UBTD2: variants seen among roughly 807,000 people sequenced by gnomAD.
The protein encoded by UBTD2 is ubiquitin domain containing 2, also known as ubiquitin domain-containing protein 2.
In UBTD2, 9 loss-of-function variants were observed where a neutral mutation model predicts 19.8. The observed-to-expected ratio is 0.46, with a 90% confidence interval of 0.27 to 0.79. The LOEUF is 0.79. Ranked by LOEUF, UBTD2 falls within the 30% of genes least tolerant of loss-of-function variation. UBTD2 has a pLI of 0.14. For missense variants in UBTD2, 250 were observed against 300.4 expected (o/e 0.83, Z 1.24); for synonymous variants, 98 against 103.9 (o/e 0.94, Z 0.35).
At chr5:172,216,210 C>CA (rs1013477108) in intron 2 of UBTD2, among the ~76,000 whole-genome samples, 3 of 151,444 alleles carry the variant, frequency 2.0e-5, no homozygotes, top group African/African-American at 4.8e-5. Flanking sequence ...CAAAAAAGCC[C>CA]AAAAAACCCC....
chr5:172,274,428 T>C (rs1755566212), intron 1 of UBTD2, among the ~76,000 whole-genome samples: 1 of 151,988 alleles, frequency 6.6e-6, no homozygotes, highest in African/African-American at 2.4e-5. Flanking sequence ...TGTGAGCCAC[T>C]GCACCTGGCT....
At chr5:172,267,537 A>C (rs766258488) in intron 1 of UBTD2, among the ~76,000 whole-genome samples, 92 of 152,366 alleles carry the variant, frequency 6.0e-4, no homozygotes, top group Admixed American at 1.7e-3. Flanking sequence ...GCTCTCATCA[A>C]CACGAAGTAA....
In UBTD2 at chr5:172,271,500, C is replaced by A. The variant is rs947271613; in HGVS notation, c.70+12096G>T. 5.3e-5 allele frequency among the ~76,000 whole-genome samples: 8 copies of A among 151,832 alleles called. No individual in the cohort carries two copies. The East Asian group carries it at 5.8e-4, about 11-fold the overall frequency. ...AGTGATGCTTTCTGACCCTGCCCCC[C>A]ACTCCTCCTTGAACTTACATAATAT... On this transcript the variant is annotated intron_variant, in intron 1 of 2. Coordinates refer to ENST00000393792, the MANE Select transcript of UBTD2 (RefSeq NM_152277.3).
At chr5:172,265,985 G>A (rs1446275779) in intron 1 of UBTD2, among the ~76,000 whole-genome samples, 1 of 151,302 alleles carries the variant, frequency 6.6e-6, no homozygotes, top group Non-Finnish European at 1.5e-5. Flanking sequence ...CCAGGCTGGA[G>A]TGCAGTGGCA....
chr5:172,276,928 G>T (rs566800743), intron 1 of UBTD2, among the ~76,000 whole-genome samples: 69 of 151,798 alleles, frequency 4.5e-4, no homozygotes, highest in African/African-American at 1.6e-3. Context: ...AAATTAGCCG[G>T]TGTGGAGGTG....
chr5:172,253,719 G>A (rs1038315398), intron 1 of UBTD2, among the ~76,000 whole-genome samples: 21 of 151,766 alleles, frequency 1.4e-4, no homozygotes, highest in African/African-American at 4.3e-4. Flanking sequence ...CCCAAACTGC[G>A]GGGATTACAG....
chr5:172,214,711 T>A (rs770417357), intron 2 of UBTD2, among the ~76,000 whole-genome samples: 41 of 152,354 alleles, frequency 2.7e-4, no homozygotes, highest in Middle Eastern at 3.4e-3. Context: ...ATTTCAGTAT[T>A]TTTAGAAACA....
At chr5:172,270,808 C>G (rs1755474839) in intron 1 of UBTD2, among the ~76,000 whole-genome samples, 1 of 152,030 alleles carries the variant, frequency 6.6e-6, no homozygotes, top group African/African-American at 2.4e-5. Context: ...CTATAATAAC[C>G]TACTACATTA....
chr5:172,223,936 A>G (rs531426766), intron 2 of UBTD2, among the ~76,000 whole-genome samples: 2 of 152,296 alleles, frequency 1.3e-5, no homozygotes, highest in South Asian at 4.1e-4. Context: ...CAAGAAACCA[A>G]CAGTGCCCAG....
chr5:172,250,324 C>G (rs1034638064), intron 1 of UBTD2, among the ~76,000 whole-genome samples: 2 of 152,146 alleles, frequency 1.3e-5, no homozygotes, highest in Non-Finnish European at 2.9e-5. Flanking sequence ...GTTAACTTTA[C>G]AGTGAAGAAA....
At chr5:172,231,715 A>G (rs1420600190) in intron 2 of UBTD2, among the ~76,000 whole-genome samples, 1 of 152,100 alleles carries the variant, frequency 6.6e-6, no homozygotes, top group Admixed American at 6.6e-5. Flanking sequence ...CACATACATG[A>G]CTCTTCTTCC....
chr5:172,275,114 G>C (rs1459337613), intron 1 of UBTD2, among the ~76,000 whole-genome samples: 1 of 152,182 alleles, frequency 6.6e-6, no homozygotes, highest in Non-Finnish European at 1.5e-5. Flanking sequence ...CAGGGCTGGG[G>C]AGGCCTCAGG....
intron 2 of UBTD2, among the ~76,000 whole-genome samples, chr5:172,220,035 C>CAAAGA (rs3028128): frequency 0.33 from 50,297 of 151,770 alleles, 8,379 homozygotes; most frequent in South Asian, 0.42. Context: ...ACATTACAAG[C>CAAAGA]AAACTACAGA....
chr5:172,246,475 C>G (rs75878468), intron 1 of UBTD2, among the ~76,000 whole-genome samples: 21 of 116,906 alleles, frequency 1.8e-4, no homozygotes, highest in African/African-American at 6.5e-4. Context: ...AGATGGAGTT[C>G]ACTCCGTCGC....
intron 2 of UBTD2, 116 bp downstream of exon 2, chr5:172,234,006 T>TA (rs879428326): frequency 8.2e-3 from 7,160 of 878,136 alleles, no homozygotes; most frequent in Non-Finnish European, 9.8e-3. Context: ...CTTGCTACAT[T>TA]AAAAAAAAAA....
At chr5:172,271,471 T>C (rs1755490632) in intron 1 of UBTD2, among the ~76,000 whole-genome samples, 1 of 151,750 alleles carries the variant, frequency 6.6e-6, no homozygotes, top group Non-Finnish European at 1.5e-5. Flanking sequence ...TGTATCACTG[T>C]TTCAGTGATG....
At chr5:172,221,712 A>C (rs1029776012) in intron 2 of UBTD2, among the ~76,000 whole-genome samples, 5 of 152,214 alleles carry the variant, frequency 3.3e-5, no homozygotes, top group African/African-American at 1.2e-4. Flanking sequence ...GCAGGGATGA[A>C]TAGGTAGAAC....
At chr5:172,265,466 C>G (rs1755359224) in intron 1 of UBTD2, among the ~76,000 whole-genome samples, 1 of 152,060 alleles carries the variant, frequency 6.6e-6, no homozygotes, top group Admixed American at 6.6e-5. Context: ...TCCCGAGTAG[C>G]TGGGACTACA....
At chr5:172,239,558 T>C (rs1168739631) in intron 1 of UBTD2, among the ~76,000 whole-genome samples, 1 of 151,638 alleles carries the variant, frequency 6.6e-6, no homozygotes, top group Admixed American at 6.6e-5. Context: ...GTAGCCGGGA[T>C]TACAGGCGCC....
Sources: allele counts gnomAD v4.1 joint callset (sites outside exome capture counted in the v4.1 genomes callset), GRCh38; gene constraint gnomAD v4.1.1; transcripts MANE v1.5; gene names NCBI Gene and HGNC (gene_info 2026-07-23, HGNC 2026-07-21).